CAMSAP2: variants seen among roughly 807,000 people sequenced by gnomAD.
CAMSAP2 encodes calmodulin regulated spectrin associated protein family member 2.
Under a neutral mutation model 146.1 loss-of-function variants are expected in CAMSAP2, and 26 were observed. The observed-to-expected ratio is 0.18, with a 90% CI of 0.13 to 0.25. The LOEUF (loss-of-function observed/expected upper bound fraction) is 0.25, where lower values mean the gene tolerates loss of function less well. Ranked by LOEUF, CAMSAP2 falls within the 10% of genes least tolerant of loss-of-function variation. CAMSAP2 has a pLI of 1.00. For synonymous variants in CAMSAP2, 499 were observed against 596.6 expected (o/e 0.84, Z 2.38); for missense variants, 1,381 against 1,759.3 (o/e 0.78, Z 3.85).
chr1:200,847,382 A>AG (rs1667484769), intron 9 of CAMSAP2, 90 bp downstream of exon 9: 9 of 1,036,888 alleles, frequency 8.7e-6, no homozygotes, highest in African/African-American at 1.6e-5. Flanking sequence ...ACAAATATCC[A>AG]GGGTTTTTTT....
chr1:200,794,342 A>G (rs1204243974), intron 2 of CAMSAP2, among the ~76,000 whole-genome samples: 2 of 152,232 alleles, frequency 1.3e-5, no homozygotes, highest in Non-Finnish European at 2.9e-5. Flanking sequence ...TGGCATAACC[A>G]AATATGACAT....
intron 4 of CAMSAP2, among the ~76,000 whole-genome samples, chr1:200,830,747 C>G (rs1667021285): frequency 6.6e-6 from 1 of 152,082 alleles, no homozygotes; most frequent in Admixed American, 6.6e-5. Context: ...CATATAGTAC[C>G]TGCAAGTAAT....
At position 200,739,197 on chromosome 1, in the gene CAMSAP2, A is replaced by T. The variant is rs1370363146; in HGVS notation, c.-631A>T. Among the ~76,000 whole-genome samples the T allele has an allele frequency of 6.6e-6, 1 of 151,520 alleles. No homozygotes were observed. The highest frequency in any genetic ancestry group is 2.4e-5 in the African/African-American group (1 of 41,238). On this transcript the variant is annotated 5_prime_UTR_variant, in exon 1 of 17. Transcript: ENST00000358823. The surrounding 1 kb of genome is among the most constrained non-coding windows in gnomAD (Gnocchi z 4.8). Reference sequence around the variant, plus strand: ...GGGCCGGCGGCGGCCTGTGAGCCGCAGTGATTTTGACGTTTTCCGCTGCTG... The same window carrying T: ...GGGCCGGCGGCGGCCTGTGAGCCGCTGTGATTTTGACGTTTTCCGCTGCTG...
chr1:200,796,730 T>A (rs1370899172), intron 2 of CAMSAP2, among the ~76,000 whole-genome samples: 1 of 151,958 alleles, frequency 6.6e-6, no homozygotes, highest in Non-Finnish European at 1.5e-5. Context: ...TGAAGGTTAG[T>A]TACATATGTA....
At chr1:200,753,233 G>T (rs977292427) in intron 1 of CAMSAP2, among the ~76,000 whole-genome samples, 1 of 150,558 alleles carries the variant, frequency 6.6e-6, no homozygotes, top group Non-Finnish European at 1.5e-5. Context: ...GGGAGGCAGA[G>T]GTTTTAGTGA....
chr1:200,793,741 A>G (rs1324717228), intron 2 of CAMSAP2, among the ~76,000 whole-genome samples: 2 of 151,140 alleles, frequency 1.3e-5, no homozygotes, highest in African/African-American at 4.9e-5. Flanking sequence ...TTTTTGGCTT[A>G]TTGATCCCTC....
At chr1:200,855,066 G>A (rs1416838275) in intron 14 of CAMSAP2, among the ~76,000 whole-genome samples, 177 bp downstream of exon 14, 1 of 152,124 alleles carries the variant, frequency 6.6e-6, no homozygotes. Flanking sequence ...AATAAATTAT[G>A]TAAAGAGGTG....
At chr1:200,839,519 AAGT>A (rs959463056) in intron 6 of CAMSAP2, among the ~76,000 whole-genome samples, 2 of 152,124 alleles carry the variant, frequency 1.3e-5, no homozygotes, top group African/African-American at 2.4e-5. Context: ...TAGGAGAGAA[AAGT>A]AGGATTAAGA....
intron 1 of CAMSAP2, among the ~76,000 whole-genome samples, chr1:200,758,458 C>T (rs1664706586): frequency 1.3e-5 from 2 of 152,214 alleles, no homozygotes. Flanking sequence ...AACTGAACTT[C>T]ACCATCACGC....
intron 2 of CAMSAP2, among the ~76,000 whole-genome samples, chr1:200,782,050 GATTTTATTCATTATTGTAATAA>G (rs1186639842): frequency 6.6e-6 from 1 of 152,144 alleles, no homozygotes; most frequent in Non-Finnish European, 1.5e-5. Flanking sequence ...ATTATCTTCA[GATTTTATTCATTATTGTAATAA>G]AATGATTCTG....
At chr1:200,782,781 TC>T (rs1665473525) in intron 2 of CAMSAP2, among the ~76,000 whole-genome samples, 2 of 132,934 alleles carry the variant, frequency 1.5e-5, no homozygotes, top group African/African-American at 5.4e-5. Context: ...TTCATTTCTC[TC>T]TTTTTTTTTT....
intron 2 of CAMSAP2, among the ~76,000 whole-genome samples, chr1:200,787,069 G>C (rs6667419): frequency 0.17 from 26,540 of 151,800 alleles, 3,096 homozygotes; most frequent in East Asian, 0.36. Flanking sequence ...GACAATGCGC[G>C]TGGTCACCCA....
At chr1:200,779,799 T>C (rs576304995) in intron 2 of CAMSAP2, among the ~76,000 whole-genome samples, 1 of 152,282 alleles carries the variant, frequency 6.6e-6, no homozygotes, top group African/African-American at 2.4e-5. Flanking sequence ...ATATCTCAGA[T>C]TGGGAATTTT....
chr1:200,783,370 C>T lies in CAMSAP2; in HGVS notation c.399+22272C>T, dbSNP rs906921265. The stretch of plus-strand genomic sequence containing the variant: ...TCTGTTCAAATCTTTTTCTCAGTGT[C>T]TTATTGGGGTTTTTATTTTCTTATT... On this transcript the variant is annotated intron_variant, in intron 2 of 16. Coordinates refer to ENST00000358823, the MANE Select transcript of CAMSAP2 (RefSeq NM_203459.4). Among the ~76,000 whole-genome samples the T allele has an allele frequency of 3.9e-5, 6 of 152,074 alleles. No homozygotes were observed. The South Asian group carries it at 6.2e-4, about 16-fold the overall frequency.
In CAMSAP2 at chr1:200,849,640, C is replaced by T; in HGVS notation, c.2871C>T (p.His957=). 1 of 1,614,208 alleles carries T rather than the reference C, an allele frequency of 6.2e-7. No individual in the cohort carries two copies. The highest frequency in any genetic ancestry group is 1.3e-5 in the African/African-American group (1 of 75,050). Residue 957 remains histidine (H), a synonymous_variant, in exon 11 of 17, where the codon CAC becomes CAT. Coordinates refer to ENST00000358823, the MANE Select transcript of CAMSAP2 (RefSeq NM_203459.4). This position sits in a 1 kb window ranked among gnomAD's most constrained non-coding sequence, Gnocchi z 6.3. ...PFSSDSPRPT[H]PSPQSSNRKS... ...CCTCAGACTCCCCTCGTCCTACTCA[C>T]CCATCTCCACAGTCTTCTAACAGGA...
chr1:200,811,233 C>T (rs953901562), intron 3 of CAMSAP2, among the ~76,000 whole-genome samples: 1 of 152,124 alleles, frequency 6.6e-6, no homozygotes, highest in African/African-American at 2.4e-5. Flanking sequence ...CTCTGTCTCC[C>T]CTGTGGTGGC....
intron 7 of CAMSAP2, among the ~76,000 whole-genome samples, chr1:200,844,369 G>A (rs1346029552): frequency 2.0e-5 from 3 of 151,692 alleles, no homozygotes; most frequent in Admixed American, 6.6e-5. Flanking sequence ...CCAATATGGT[G>A]AAACCCTGTC....
chr1:200,839,123 A>G (rs1186213844), intron 6 of CAMSAP2, among the ~76,000 whole-genome samples: 1 of 152,216 alleles, frequency 6.6e-6, no homozygotes, highest in Non-Finnish European at 1.5e-5. Flanking sequence ...TTAGTAGCTG[A>G]TGGACGTAGG....
At chr1:200,779,929 C>G (rs1475437966) in intron 2 of CAMSAP2, among the ~76,000 whole-genome samples, 2 of 151,868 alleles carry the variant, frequency 1.3e-5, no homozygotes, top group African/African-American at 4.8e-5. Flanking sequence ...ATGAGGCAGA[C>G]AGGTTCAGAA....
Sources: gnomAD v4.1 joint callset for allele counts (sites outside exome capture counted in the v4.1 genomes callset) on GRCh38, gnomAD v4.1.1 for gene constraint, Gnocchi (gnomAD v3.1) non-coding constraint, MANE v1.5 for transcripts, NCBI Gene and HGNC (gene_info 2026-07-23, HGNC 2026-07-21) for gene names.